Variants in LRRC27 observed in about 807,000 individuals in gnomAD.
The protein encoded by LRRC27 is leucine-rich repeat-containing protein 27.
LRRC27 carries 57 observed loss-of-function variants against 55.0 expected under a neutral mutation model. The observed-to-expected ratio is 1.04, with a 90% confidence interval of 0.84 to 1.29. The LOEUF (loss-of-function observed/expected upper bound fraction) is 1.29. LRRC27 is among the 50% of genes most tolerant of loss of function. The pLI is 0.00. For synonymous variants in LRRC27, 278 were observed against 251.9 expected (o/e 1.10, Z -0.98); for missense variants, 721 against 651.5 (o/e 1.11, Z -1.16).
At chr10:132,346,399 G>A (rs1012277732) in intron 5 of LRRC27, among the ~76,000 whole-genome samples, 4 of 152,126 alleles carry the variant, frequency 2.6e-5, no homozygotes, top group African/African-American at 4.8e-5. Flanking sequence ...CTTTGCTGGC[G>A]GGCGTGGTGG....
intron 5 of LRRC27, 105 bp from the exon 6 acceptor site, chr10:132,347,879 C>G: frequency 1.4e-6 from 2 of 1,394,828 alleles, no homozygotes; most frequent in Non-Finnish European, 1.9e-6. Flanking sequence ...CATGGAGGAT[C>G]TGGGCACCCC....
chr10:132,348,900 C>G lies in LRRC27; in HGVS notation c.926+544C>G. On this transcript the variant is annotated intron_variant, in intron 6 of 10. Coordinates refer to ENST00000368614, the MANE Select transcript of LRRC27 (RefSeq NM_030626.3). The surrounding 1 kb of genome is among the most constrained non-coding windows in gnomAD (Gnocchi z 4.2). ...GTCATTGTGTGGCCCACTTCCAAAG[C>G]TTGCCTTTGCCTTTGGTACAGTGAG... The G allele has an allele frequency of 8.1e-7, 1 of 1,228,150 alleles. No homozygotes were observed. Among genetic ancestry groups the G allele is most frequent in the Non-Finnish European group, 1.2e-6 (1 of 856,404 alleles). The allele number at this position is 1,228,150 out of a possible 1,614,324, so 76.1% of individuals were successfully genotyped here. A position where few individuals can be genotyped will look rare whatever the true frequency, so the allele number is the denominator to read the frequency against.
At chr10:132,359,359 C>G (rs2068503127) in intron 8 of LRRC27, among the ~76,000 whole-genome samples, 1 of 152,172 alleles carries the variant, frequency 6.6e-6, no homozygotes, top group African/African-American at 2.4e-5. Flanking sequence ...GAGAGACAAG[C>G]ATAAATAAAT....
At chr10:132,364,525 A>ACACC (rs1554900618) in intron 9 of LRRC27, among the ~76,000 whole-genome samples, 22 of 49,128 alleles carry the variant, frequency 4.5e-4, no homozygotes, top group Admixed American at 4.6e-4. Context: ...ACTCGCACTT[A>ACACC]CACCCACACT....
Position 132,365,561 on chromosome 10 carries a change from C to G in LRRC27, c.1416+11C>G. 1 of 1,611,672 alleles carries G rather than the reference C, an allele frequency of 6.2e-7. No homozygotes were observed. Among genetic ancestry groups the G allele is most frequent in the Non-Finnish European group, 8.5e-7 (1 of 1,179,566 alleles). Reference sequence around the variant, plus strand: ...GAGGATCTGGAAATTGTAAGGATTTCTTGGTTCTGTTTAAAAAAGTGTGGG... The same window carrying G: ...GAGGATCTGGAAATTGTAAGGATTTGTTGGTTCTGTTTAAAAAAGTGTGGG... On this transcript the variant is annotated intron_variant, in intron 10 of 10. Coordinates refer to ENST00000368614, the MANE Select transcript of LRRC27 (RefSeq NM_030626.3).
chr10:132,333,680 G>C lies in LRRC27; in HGVS notation c.156G>C (p.Leu52Phe). Residue 52 changes from leucine to phenylalanine, a missense_variant, in exon 2 of 11, where the codon TTG becomes TTC. Coordinates refer to ENST00000368614, the MANE Select transcript of LRRC27 (RefSeq NM_030626.3). ...TTTCCTCCTCACCGATTTTAGACTT[G>C]AGTGAAAGTGGTCTGTGCCGTTTGG... ...IIFSSSPILDLSESGLCRLEE... is the reference protein window; with the variant it reads ...IIFSSSPILDFSESGLCRLEE... The C allele has an allele frequency of 6.2e-7, 1 of 1,613,812 alleles. No homozygotes were observed. The highest frequency in any genetic ancestry group is 8.5e-7 in the Non-Finnish European group (1 of 1,180,036).
intron 2 of LRRC27, 82 bp downstream of exon 2, chr10:132,333,816 T>C (rs1024698099): frequency 7.7e-6 from 8 of 1,039,590 alleles, no homozygotes; most frequent in Non-Finnish European, 7.0e-6. Context: ...GCTTTATTTG[T>C]AGGCTTCTTT....
chr10:132,342,223 A>G lies in LRRC27; in HGVS notation c.352A>G (p.Thr118Ala). Residue 118 changes from threonine to alanine, a missense_variant, in exon 4 of 11, where the codon ACT becomes GCT. By Grantham distance (58) the Thr-to-Ala change is moderately conservative (BLOSUM62 0). Coordinates refer to ENST00000368614, the MANE Select transcript of LRRC27 (RefSeq NM_030626.3). ...SGIGAHQHLK[T>A]LLLERNPIKM... ...TGTTTTGCTTTAAAGGCATTTGAAA[A>G]CTTTGCTTTTAGAAAGAAATCCTAT... The G allele has an allele frequency of 6.4e-7, 1 of 1,551,916 alleles. No homozygotes were observed. The highest frequency in any genetic ancestry group is 1.2e-5 in the South Asian group (1 of 83,192).
chr10:132,350,871 C>T (rs1354154838), intron 6 of LRRC27: 2 of 152,248 alleles, frequency 1.3e-5, no homozygotes, highest in Admixed American at 6.5e-5. Context: ...GCTCTCAGTC[C>T]TGGGCTCAGA....
In LRRC27 at chr10:132,348,300, T is replaced by C. The variant is rs115102295; in HGVS notation, c.870T>C (p.Asn290=). The C allele has an allele frequency of 8.6e-5, 139 of 1,613,974 alleles. 2 individuals carry two copies. The African/African-American group carries it at 1.2e-3, about 14-fold the overall frequency. ...DQLLTRELPP[N]LKAALNIEKE... ...TCTTGACGAGGGAATTACCTCCAAA[T>C]CTCAAGGCGGCCTTGAACATTGAGA... The change falls in exon 6 of 11, where the codon AAT becomes AAC. Residue 290 remains asparagine (N), a synonymous_variant. Transcript: ENST00000368614. This position sits in a 1 kb window ranked among gnomAD's most constrained non-coding sequence, Gnocchi z 4.2.
At chr10:132,353,238 C>T (rs1436369483) in intron 7 of LRRC27, 10 of 1,302,184 alleles carry the variant, frequency 7.7e-6, no homozygotes, top group South Asian at 1.6e-5. Flanking sequence ...TGGAGCTGGC[C>T]GAGTCCAGCC....
At chr10:132,344,302 C>T (rs953243538) in intron 4 of LRRC27, among the ~76,000 whole-genome samples, 196 bp from the exon 5 acceptor site, 4 of 152,164 alleles carry the variant, frequency 2.6e-5, no homozygotes, top group Non-Finnish European at 4.4e-5. Flanking sequence ...GGAAACCATC[C>T]TGGTCTTAAT....
At chr10:132,364,610 C>T (rs1310820374) in intron 9 of LRRC27, among the ~76,000 whole-genome samples, 6 of 119,196 alleles carry the variant, frequency 5.0e-5, no homozygotes, top group African/African-American at 1.0e-4. Flanking sequence ...TCCGCGTCCA[C>T]GCTTACATCT....
Position 132,368,852 on chromosome 10 carries a change from G to A in LRRC27, c.1416+3302G>A, listed in dbSNP as rs183067939. Among the ~76,000 whole-genome samples, 446 of 152,232 alleles carry A rather than the reference G, an allele frequency of 2.9e-3. 2 individuals are homozygous for A. Among genetic ancestry groups the A allele is most frequent in the Non-Finnish European group, 1.1e-3 (74 of 68,026 alleles). ...TGTTCTATGTAAGACACTGCCAAAAGGATAAGACAGGCCACAGACTGGGAG... is the reference window on the plus strand; with the variant it reads ...TGTTCTATGTAAGACACTGCCAAAAAGATAAGACAGGCCACAGACTGGGAG... On this transcript the variant is annotated intron_variant, in intron 10 of 10. Coordinates refer to ENST00000368614, the MANE Select transcript of LRRC27 (RefSeq NM_030626.3).
At chr10:132,357,933 G>A (rs928706283) in intron 8 of LRRC27, among the ~76,000 whole-genome samples, 4 of 152,114 alleles carry the variant, frequency 2.6e-5, no homozygotes, top group Non-Finnish European at 4.4e-5. Context: ...GCTGTTCTGC[G>A]CACCCCACAG....
At chr10:132,361,752 C>T (rs1010518483) in intron 9 of LRRC27, among the ~76,000 whole-genome samples, 177 bp downstream of exon 9, 8 of 152,070 alleles carry the variant, frequency 5.3e-5, no homozygotes, top group African/African-American at 1.9e-4. Context: ...CCAGGTAACC[C>T]TGGAAGATGG....
Position 132,348,397 on chromosome 10 carries a change from G to A in LRRC27, c.926+41G>A, listed in dbSNP as rs761353901. On this transcript the variant is annotated intron_variant, in intron 6 of 10. Transcript: ENST00000368614. This position sits in a 1 kb window ranked among gnomAD's most constrained non-coding sequence, Gnocchi z 4.2. ...AACGGGGGATTTTCTTGATCTTTGC[G>A]AATTTATACAGTTATTTTAAATTAT... 38 of 1,579,806 alleles carry A rather than the reference G, an allele frequency of 2.4e-5. No homozygotes were observed. Among genetic ancestry groups the A allele is most frequent in the Middle Eastern group, 1.7e-4 (1 of 5,896 alleles).
At chr10:132,349,856 T>A (rs1403243292) in intron 6 of LRRC27, among the ~76,000 whole-genome samples, 1 of 152,144 alleles carries the variant, frequency 6.6e-6, no homozygotes, top group African/African-American at 2.4e-5. Flanking sequence ...GGGTGAGCCA[T>A]AGAGAACCAC....
chr10:132,331,894 A>ACC (rs56390424), upstream of LRRC27: 275 of 887,284 alleles, frequency 3.1e-4, 2 homozygotes, highest in Non-Finnish European at 3.9e-4. Flanking sequence ...ACCCCCTGCC[A>ACC]CCCCCGCGCA....
Sources: gnomAD v4.1 joint callset for allele counts (sites outside exome capture counted in the v4.1 genomes callset) on GRCh38, gnomAD v4.1.1 for gene constraint, Gnocchi (gnomAD v3.1) non-coding constraint, MANE v1.5 for transcripts, NCBI Gene and HGNC (gene_info 2026-07-23, HGNC 2026-07-21) for gene names.